The following NECAP2 variants were observed in gnomAD, a reference collection of about 807,000 sequenced individuals.
NECAP2 encodes NECAP endocytosis associated 2, also known as adaptin ear-binding coat-associated protein 2.
NECAP2 carries 38 observed loss-of-function variants against 37.8 expected under a neutral mutation model. The ratio of observed to expected loss-of-function variants is 1.01; its 90% CI spans 0.78 to 1.32. The LOEUF (loss-of-function observed/expected upper bound fraction) is 1.32. Ranked by LOEUF, NECAP2 falls within the 40% of genes most tolerant of loss-of-function variation. NECAP2 has a pLI of 0.00. For missense variants in NECAP2, 316 were observed against 334.5 expected (o/e 0.94, Z 0.43); for synonymous variants, 121 against 127.7 (o/e 0.95, Z 0.35).
rs2086846773 is a variant in NECAP2 at position 16,451,858 on chromosome 1, A to G, written c.510A>G (p.Gly170=). 4 of 1,613,950 alleles carry G rather than the reference A, an allele frequency of 2.5e-6. No individual in the cohort carries two copies. The highest frequency in any genetic ancestry group is 3.4e-6 in the Non-Finnish European group (4 of 1,179,996). ...TTTAGAACATGAAGAAGAAGGAAGG[A>G]GCAGCTGGGAATCCCCGAGTCCGGC... The part of the protein sequence containing the change: ...LNIANMKKKE[G]AAGNPRVRPA... The change falls in exon 6 of 8, where the codon GGA becomes GGG. Residue 170 remains glycine (G), a synonymous_variant. Transcript: ENST00000337132.
intron 6 of NECAP2, among the ~76,000 whole-genome samples, chr1:16,453,023 T>C (rs953702526): frequency 6.6e-6 from 1 of 151,846 alleles, no homozygotes; most frequent in Non-Finnish European, 1.5e-5. Context: ...GAACTGTTCT[T>C]TAAGTGCTAT....
chr1:16,446,134 G>T (rs1041863374), intron 2 of NECAP2, among the ~76,000 whole-genome samples: 3 of 152,202 alleles, frequency 2.0e-5, no homozygotes, highest in African/African-American at 4.8e-5. Flanking sequence ...CTTGAACCTG[G>T]GAGGTGGAGG....
chr1:16,445,689 A>G (rs981716760), intron 2 of NECAP2, among the ~76,000 whole-genome samples: 1 of 152,178 alleles, frequency 6.6e-6, no homozygotes, highest in African/African-American at 2.4e-5. Flanking sequence ...GGATCGCTTG[A>G]GCCCAGGAAT....
intron 6 of NECAP2, among the ~76,000 whole-genome samples, chr1:16,454,376 G>A (rs1469480217): frequency 6.7e-6 from 1 of 149,762 alleles, no homozygotes. Context: ...TTATTTTTAA[G>A]AAGGAGTCTC....
At chr1:16,443,504 A>T in intron 1 of NECAP2, 128 bp from the exon 2 acceptor site, 1 of 702,242 alleles carries the variant, frequency 1.4e-6, no homozygotes, top group Non-Finnish European at 2.5e-6. Context: ...AAAGATATTT[A>T]CTGTCTGACT....
At chr1:16,451,278 T>C (rs2086838240) in intron 5 of NECAP2, 1 of 153,054 alleles carries the variant, frequency 6.5e-6, no homozygotes, top group Non-Finnish European at 1.5e-5. Flanking sequence ...ATTTATGTTT[T>C]ACTGATGATG....
Position 16,455,741 on chromosome 1 carries a change from T to C in NECAP2, c.668-77T>C, listed in dbSNP as rs116171355. On this transcript the variant is annotated intron_variant, in intron 6 of 7. Coordinates refer to ENST00000337132, the MANE Select transcript of NECAP2 (RefSeq NM_018090.5). ...ATCACTGAGTCTCATGATTTGGTCA[T>C]TGAAACAACCAGAAAGGTCTCTGAC... The C allele has an allele frequency of 4.0e-3, 4,784 of 1,209,396 alleles. 64 individuals are homozygous for C. Among genetic ancestry groups the C allele is most frequent in the African/African-American group, 0.039 (2,597 of 67,032 alleles). The allele number at this position is 1,209,396 out of a possible 1,614,324, so 74.9% of individuals were successfully genotyped here.
chr1:16,457,331 C>T (rs2086935720), intron 7 of NECAP2, among the ~76,000 whole-genome samples: 1 of 152,054 alleles, frequency 6.6e-6, no homozygotes, highest in Non-Finnish European at 1.5e-5. Context: ...TGGGGTGGTG[C>T]CTGTAATCCC....
At chr1:16,445,966 T>C (rs1174488146) in intron 2 of NECAP2, among the ~76,000 whole-genome samples, 1 of 151,946 alleles carries the variant, frequency 6.6e-6, no homozygotes, top group Non-Finnish European at 1.5e-5. Flanking sequence ...CCCAGCACTT[T>C]GGGAGGCCAG....
chr1:16,445,302 C>G (rs184612538), intron 2 of NECAP2, among the ~76,000 whole-genome samples: 2 of 152,370 alleles, frequency 1.3e-5, no homozygotes, highest in Admixed American at 1.3e-4. Flanking sequence ...AGCTTCAGCA[C>G]TGTTGACACC....
intron 1 of NECAP2, among the ~76,000 whole-genome samples, chr1:16,441,904 ATTT>A: frequency 6.6e-6 from 1 of 151,656 alleles, no homozygotes; most frequent in East Asian, 1.9e-4. Flanking sequence ...ACCAAAATAC[ATTT>A]GTTTTCTGTC....
At chr1:16,454,628 A>G (rs1229068421) in intron 6 of NECAP2, among the ~76,000 whole-genome samples, 1 of 152,222 alleles carries the variant, frequency 6.6e-6, no homozygotes, top group Non-Finnish European at 1.5e-5. Flanking sequence ...AAGTGCTGGG[A>G]TTACAGGCTG....
In NECAP2 at chr1:16,440,842, C is replaced by T. The variant is rs1557683396; in HGVS notation, c.81C>T (p.Asn27=). The change falls in exon 1 of 8, where the codon AAC becomes AAT. Residue 27 remains asparagine (N), a synonymous_variant. Coordinates refer to ENST00000337132, the MANE Select transcript of NECAP2 (RefSeq NM_018090.5). ...HVYRIPPRAT[N]RGYRAAEWQL... ...ACCGCATCCCTCCGCGGGCTACCAA[C>T]CGTGGCTACAGGTGACTACCCACCG... 4 of 1,613,900 alleles carry T rather than the reference C, an allele frequency of 2.5e-6. No homozygotes were observed. Among genetic ancestry groups the T allele is most frequent in the South Asian group, 2.2e-5 (2 of 91,092 alleles).
chr1:16,443,341 G>T (rs951860547), intron 1 of NECAP2, among the ~76,000 whole-genome samples: 6 of 152,224 alleles, frequency 3.9e-5, no homozygotes, highest in Non-Finnish European at 5.9e-5. Flanking sequence ...ATGAATTTCA[G>T]ATTTCAGTGT....
At chr1:16,455,306 T>A (rs1466851320) in intron 6 of NECAP2, among the ~76,000 whole-genome samples, 1 of 152,214 alleles carries the variant, frequency 6.6e-6, no homozygotes, top group Non-Finnish European at 1.5e-5. Context: ...GGAATGCTCT[T>A]CCTGACCCCT....
At chr1:16,452,776 G>A (rs1470423864) in intron 6 of NECAP2, among the ~76,000 whole-genome samples, 5 of 119,944 alleles carry the variant, frequency 4.2e-5, no homozygotes, top group African/African-American at 1.5e-4. Flanking sequence ...CGCCCCCCCC[G>A]CCCGCCGCCC....
At chr1:16,454,717 G>C (rs1044764947) in intron 6 of NECAP2, among the ~76,000 whole-genome samples, 5 of 152,148 alleles carry the variant, frequency 3.3e-5, no homozygotes, top group African/African-American at 1.2e-4. Context: ...TGTAGGATAG[G>C]GGAAGTAATG....
rs2086805192 is a variant in NECAP2, at chr1:16,449,132, GA to G, written c.422del (p.Asn141ThrfsTer25). 1 of 1,613,412 alleles carries G rather than the reference GA, an allele frequency of 6.2e-7. No individual in the cohort carries two copies. The highest frequency in any genetic ancestry group is 1.3e-5 in the African/African-American group (1 of 74,900). ...QQCEFAKQAQNPDQGPKLDLG... is the reference protein window; with the variant it reads ...QQCEFAKQAQXPDQGPKLDLG... ...AGTGTGAATTTGCAAAACAAGCCCA[GA>G]ACCCAGACCAAGGCCCTAAACTGGA... On this transcript the variant is annotated frameshift_variant, in exon 5 of 8. Coordinates refer to ENST00000337132, the MANE Select transcript of NECAP2 (RefSeq NM_018090.5). LOFTEE classifies it high-confidence loss of function.
chr1:16,442,679 A>G (rs2086705840), intron 1 of NECAP2, among the ~76,000 whole-genome samples: 2 of 152,182 alleles, frequency 1.3e-5, no homozygotes, highest in African/African-American at 2.4e-5. Context: ...TGTAATCCCA[A>G]CACTTTGGGA....
Sources: allele counts gnomAD v4.1 joint callset (sites outside exome capture counted in the v4.1 genomes callset), GRCh38; gene constraint gnomAD v4.1.1; transcripts MANE v1.5; gene names NCBI Gene and HGNC (gene_info 2026-07-23, HGNC 2026-07-21).